DNAH5: variants seen among roughly 807,000 people sequenced by gnomAD.
DNAH5 encodes axonemal beta dynein heavy chain 5.
In DNAH5, 372 loss-of-function variants were observed where a neutral mutation model predicts 518.2. The ratio of observed to expected loss-of-function variants is 0.72; its 90% CI spans 0.66 to 0.78. DNAH5 has a LOEUF of 0.78. DNAH5 is among the 30% of genes least tolerant of loss of function. DNAH5 has a pLI of 0.00. For missense variants in DNAH5, 5,523 were observed against 5,687.0 expected (o/e 0.97, Z 0.93); for synonymous variants, 2,039 against 2,025.9 (o/e 1.01, Z -0.17).
In DNAH5 at chr5:13,817,592, C is replaced by G; in HGVS notation, c.6944G>C (p.Gly2315Ala). ...TTTCCTCCAAAGCGTAGAAAATATC[C>G]CATCAGTCCAGTCATTTGTGGCAAC... Reference protein sequence around the residue: ...LDVATNDWTDGIFSTLWRKTL... With the variant: ...LDVATNDWTDAIFSTLWRKTL... The change falls in exon 42 of 79, where the codon GGG becomes GCG. Residue 2315 changes from glycine (G) to alanine (A), a missense_variant. Around this residue, in one of 3 missense-constraint regions of DNAH5, gnomAD observed 5,121 missense variants for 5,223.3 expected, o/e 0.98. Coordinates refer to ENST00000265104, the MANE Select transcript of DNAH5 (RefSeq NM_001369.3). The G allele has an allele frequency of 6.2e-7, 1 of 1,614,088 alleles. No homozygotes were observed. Among genetic ancestry groups the G allele is most frequent in the Non-Finnish European group, 8.5e-7 (1 of 1,180,026 alleles).
chr5:13,791,982 A>C lies in DNAH5; in HGVS notation c.8448+12T>G. The C allele has an allele frequency of 6.2e-7, 1 of 1,600,672 alleles. No individual in the cohort carries two copies. The highest frequency in any genetic ancestry group is 8.6e-7 in the Non-Finnish European group (1 of 1,168,520). On this transcript the variant is annotated intron_variant, in intron 50 of 78. Transcript: ENST00000265104. ...CAATGTTATTTGTTTTTCTTTCTTC[A>C]GTGTCACTTACATTTGGTTCCTTGA...
intron 64 of DNAH5, among the ~76,000 whole-genome samples, chr5:13,751,585 G>A (rs115084084): frequency 6.5e-4 from 99 of 152,282 alleles, no homozygotes; most frequent in African/African-American, 1.6e-3. Context: ...GGTTGAGACT[G>A]ATGATGCTAC....
chr5:13,901,519 G>A lies in DNAH5; in HGVS notation c.1785C>T (p.Asn595=). Residue 595 remains asparagine, a synonymous_variant, in exon 14 of 79, where the codon AAC becomes AAT. Coordinates refer to ENST00000265104, the MANE Select transcript of DNAH5 (RefSeq NM_001369.3). Reference sequence around the variant, plus strand: ...AAATCATATCAATGTCAGCCCCATAGTTCTCAAGGATAAGTTGATATTTGT... The same window carrying A: ...AAATCATATCAATGTCAGCCCCATAATTCTCAAGGATAAGTTGATATTTGT... ...IDDKYQLILE[N]YGADIDMISK... 6.2e-7 allele frequency: 1 copy of A among 1,613,630 alleles called. No homozygotes were observed. The highest frequency in any genetic ancestry group is 8.5e-7 in the Non-Finnish European group (1 of 1,179,942).
rs186311901 is a variant in DNAH5 at position 13,867,737 on chromosome 5, T to A, written c.4053+37A>T. The A allele has an allele frequency of 9.3e-5, 139 of 1,498,882 alleles. No individual in the cohort carries two copies. The African/African-American group carries it at 1.8e-3, about 20-fold the overall frequency. The allele number at this position is 1,498,882 out of a possible 1,614,324, so 92.8% of individuals were successfully genotyped here. On this transcript the variant is annotated intron_variant, in intron 25 of 78. Transcript: ENST00000265104. ...ACATTTTGCATGTTGTATTCACTCA[T>A]CCCCGAAAACGCACACAGAGAAAGC...
chr5:13,944,495 T>G lies in DNAH5; in HGVS notation c.-57A>C. On this transcript the variant is annotated 5_prime_UTR_variant, in exon 1 of 79. Transcript: ENST00000265104. Reference sequence around the variant, plus strand: ...TCTTCCGGAATGGTCTTCTAACTCCTGGCAGACCTGCTCAACATCCAACAG... The same window carrying G: ...TCTTCCGGAATGGTCTTCTAACTCCGGGCAGACCTGCTCAACATCCAACAG... 6.7e-7 allele frequency: 1 copy of G among 1,481,984 alleles called. No homozygotes were observed. The allele number at this position is 1,481,984 out of a possible 1,614,324, so 91.8% of individuals were successfully genotyped here.
chr5:13,993,798 G>A (rs1432972456), intron 1 of DNAH5, among the ~76,000 whole-genome samples: 1 of 152,168 alleles, frequency 6.6e-6, no homozygotes. Context: ...CTGGCTTCTT[G>A]AGATTAATCT....
At chr5:13,776,746 T>C (rs779273166) in intron 54 of DNAH5, 40 bp from the exon 55 acceptor site, 11 of 1,604,828 alleles carry the variant, frequency 6.9e-6, no homozygotes, top group Admixed American at 1.7e-5. Flanking sequence ...AGTACACACA[T>C]AGGAAAATAG....
chr5:13,759,004 G>A (rs1206016327), intron 60 of DNAH5, 21 bp from the exon 61 acceptor site: 2 of 1,613,944 alleles, frequency 1.2e-6, no homozygotes, highest in Non-Finnish European at 8.5e-7. Context: ...CACACACAGA[G>A]TGAAGAGATG....
intron 1 of DNAH5, among the ~76,000 whole-genome samples, chr5:14,000,556 A>G (rs569102184): frequency 6.6e-6 from 1 of 150,746 alleles, no homozygotes; most frequent in South Asian, 2.1e-4. Context: ...GTGCCTGTTC[A>G]TGTCCTCTGC....
intron 38 of DNAH5, among the ~76,000 whole-genome samples, chr5:13,828,909 G>A (rs747531026): frequency 1.3e-4 from 20 of 152,316 alleles, no homozygotes; most frequent in Middle Eastern, 3.4e-3. Flanking sequence ...CTGACCCACA[G>A]ACACCATGTA....
chr5:13,958,581 A>C (rs1213347233), intron 1 of DNAH5, among the ~76,000 whole-genome samples: 1 of 152,206 alleles, frequency 6.6e-6, no homozygotes, highest in Non-Finnish European at 1.5e-5. Context: ...AGAATTAAAG[A>C]CAAAGGCATT....
chr5:13,975,799 G>A (rs1245823160), intron 1 of DNAH5, among the ~76,000 whole-genome samples: 2 of 152,144 alleles, frequency 1.3e-5, no homozygotes, highest in Non-Finnish European at 2.9e-5. Flanking sequence ...CCAGACTCCT[G>A]TGCAGCTATC....
At chr5:13,885,265 T>A (rs1561504703) in intron 18 of DNAH5, 37 bp from the exon 19 acceptor site, 1 of 1,610,936 alleles carries the variant, frequency 6.2e-7, no homozygotes, top group East Asian at 2.2e-5. Flanking sequence ...TAGAGATAAG[T>A]TAGATGGATG....
At chr5:13,852,354 A>G (rs1321306468) in intron 30 of DNAH5, among the ~76,000 whole-genome samples, 1 of 151,960 alleles carries the variant, frequency 6.6e-6, no homozygotes, top group Non-Finnish European at 1.5e-5. Context: ...TTTAGTAGAG[A>G]TGGGGTTTCT....
At chr5:13,787,276 T>C (rs1445422228) in intron 51 of DNAH5, among the ~76,000 whole-genome samples, 1 of 151,740 alleles carries the variant, frequency 6.6e-6, no homozygotes, top group Admixed American at 6.6e-5. Context: ...CAATTAACAT[T>C]AGTAATAGGG....
Position 13,700,793 on chromosome 5 carries a change from C to T in DNAH5, c.13570G>A (p.Asp4524Asn), listed in dbSNP as rs199916139. 3.1e-6 allele frequency: 5 copies of T among 1,614,122 alleles called. No homozygotes were observed. The highest frequency in any genetic ancestry group is 2.2e-5 in the East Asian group (1 of 44,872). Residue 4524 changes from aspartate (D) to asparagine (N), a missense_variant, in exon 78 of 79, where the codon GAC (aspartate) becomes AAC (asparagine). By Grantham distance (23) the Asp-to-Asn change is conservative. Coordinates refer to ENST00000265104, the MANE Select transcript of DNAH5 (RefSeq NM_001369.3). ...CCCTCTGTGGGAGGGGCAGAAATGT[C>T]GTCCTTCATCCATTTGGTGACTTCA... is the stretch of plus-strand genomic sequence containing the variant. Reference protein sequence around the residue: ...CNEVTKWMKDDISAPPTEGVY... With the variant: ...CNEVTKWMKDNISAPPTEGVY...
At chr5:13,996,453 T>C (rs965200437) in intron 1 of DNAH5, among the ~76,000 whole-genome samples, 1 of 152,202 alleles carries the variant, frequency 6.6e-6, no homozygotes, top group Non-Finnish European at 1.5e-5. Context: ...CTAAATCAGA[T>C]GTGGGTGATA....
At chr5:13,826,406 C>T (rs2084106) in intron 38 of DNAH5, among the ~76,000 whole-genome samples, 64,985 of 152,042 alleles carry the variant, frequency 0.43, 14,494 homozygotes, top group East Asian at 0.61. Context: ...TCATCCTGAA[C>T]TGTAGTCCCC....
At chr5:13,793,392 A>C in intron 49 of DNAH5, 123 bp downstream of exon 49, 1 of 777,658 alleles carries the variant, frequency 1.3e-6, no homozygotes, top group South Asian at 1.4e-5. Flanking sequence ...AGAGTGATGG[A>C]GGCTGTAGAC....
Sources: gnomAD v4.1 joint callset for allele counts (sites outside exome capture counted in the v4.1 genomes callset) on GRCh38, gnomAD v4.1.1 for gene constraint, gnomAD v4.1.1 regional missense constraint, MANE v1.5 for transcripts, NCBI Gene and HGNC (gene_info 2026-07-23, HGNC 2026-07-21) for gene names.